Variants in MBD2 observed in about 807,000 individuals in gnomAD.
MBD2 encodes methyl-CpG binding domain protein 2, also known as methyl-CpG-binding domain protein 2.
In MBD2, 9 loss-of-function variants were observed where a neutral mutation model predicts 39.3. The observed-to-expected ratio is 0.23, with a 90% CI of 0.14 to 0.40. MBD2 has a LOEUF of 0.40. Among genes scored for constraint, MBD2 ranks in the 10% least tolerant of loss-of-function variants. The probability of loss-of-function intolerance (pLI) is 1.00; values close to 1 mark genes in which losing one functional copy is unlikely to be tolerated. For synonymous variants in MBD2, 233 were observed against 211.1 expected (o/e 1.10, Z -0.90); for missense variants, 458 against 532.6 (o/e 0.86, Z 1.38).
chr18:54,180,038 T>A (rs945905124), intron 3 of MBD2, among the ~76,000 whole-genome samples: 6 of 151,998 alleles, frequency 3.9e-5, no homozygotes. Flanking sequence ...ATAACTGAAA[T>A]CAGAGTCAAT....
intron 3 of MBD2, among the ~76,000 whole-genome samples, chr18:54,180,591 AAGAC>A (rs1337123656): frequency 6.6e-6 from 1 of 152,168 alleles, no homozygotes; most frequent in Non-Finnish European, 1.5e-5. Context: ...AAAATTAACA[AAGAC>A]AGCCTAACAA....
intron 1 of MBD2, among the ~76,000 whole-genome samples, chr18:54,207,152 A>G (rs912492809): frequency 5.9e-5 from 9 of 152,192 alleles, no homozygotes; most frequent in African/African-American, 2.2e-4. Flanking sequence ...TCTGTTATAT[A>G]ATTTTTCCCA....
intron 3 of MBD2, among the ~76,000 whole-genome samples, chr18:54,172,334 C>A (rs1326388448): frequency 6.6e-6 from 1 of 151,944 alleles, no homozygotes; most frequent in Non-Finnish European, 1.5e-5. Context: ...TCACATAGAA[C>A]ATGAAATTGT....
intron 1 of MBD2, among the ~76,000 whole-genome samples, chr18:54,212,055 A>G (rs1194681660): frequency 6.6e-6 from 1 of 152,030 alleles, no homozygotes. Context: ...ACGGGGTTTC[A>G]CTATGTTGGT....
At chr18:54,211,406 C>CAT (rs1472504663) in intron 1 of MBD2, among the ~76,000 whole-genome samples, 2 of 151,544 alleles carry the variant, frequency 1.3e-5, no homozygotes, top group African/African-American at 4.9e-5. Flanking sequence ...CACACACACA[C>CAT]ACACACACGC....
In MBD2 at chr18:54,202,748, A is replaced by G. The variant is rs985625783; in HGVS notation, c.702+2250T>C. 28 of 1,438,898 alleles carry G rather than the reference A, an allele frequency of 1.9e-5. No homozygotes were observed. In the African/African-American group the frequency reaches 3.9e-4, roughly 20 times the overall value. 89.1% of individuals were successfully genotyped at this position (1,438,898 alleles called of 1,614,324 possible). A position where few individuals can be genotyped will look rare whatever the true frequency, so the allele number is the denominator to read the frequency against. ...ACTATACACTTCTAGAATGAGGTGG[A>G]TGGTAAATCAAATAAACATAAAGCA... On this transcript the variant is annotated intron_variant, in intron 2 of 6. Transcript: ENST00000256429.
intron 6 of MBD2, among the ~76,000 whole-genome samples, chr18:54,157,410 G>A (rs1480888964): frequency 9.9e-5 from 15 of 152,040 alleles, no homozygotes; most frequent in African/African-American, 2.9e-4. Flanking sequence ...ACAGGTGCCC[G>A]CCACCATGCC....
intron 1 of MBD2, among the ~76,000 whole-genome samples, 174 bp from the exon 2 acceptor site, chr18:54,205,331 G>T (rs1295547907): frequency 1.3e-5 from 2 of 152,038 alleles, no homozygotes; most frequent in Non-Finnish European, 2.9e-5. Context: ...CAGCACTCTG[G>T]GAGGCAGAGG....
chr18:54,197,329 C>T lies in MBD2; in HGVS notation c.702+7669G>A, dbSNP rs548000633. ...ATACTATTCCTTATGCTGGCTGGCA[C>T]AGCCCTATTACCAGGCTTGCCTACT... is the stretch of plus-strand genomic sequence containing the variant. On this transcript the variant is annotated intron_variant, in intron 2 of 6. Transcript: ENST00000256429. Among the ~76,000 whole-genome samples the T allele has an allele frequency of 3.2e-4, 49 of 152,334 alleles. 2 individuals carry two copies. The South Asian group carries it at 9.7e-3, about 30-fold the overall frequency.
Position 54,188,633 on chromosome 18 carries a change from C to G in MBD2, c.840+241G>C, listed in dbSNP as rs746909192. Reference sequence around the variant, plus strand: ...ACCAAGTCTGATGTATATTACCACACGAAAAGCATAAAAATTTAGTCCATA... The same window carrying G: ...ACCAAGTCTGATGTATATTACCACAGGAAAAGCATAAAAATTTAGTCCATA... On this transcript the variant is annotated intron_variant, in intron 3 of 6. Coordinates refer to ENST00000256429, the MANE Select transcript of MBD2 (RefSeq NM_003927.5). 5.9e-5 allele frequency among the ~76,000 whole-genome samples: 9 copies of G among 151,982 alleles called. No homozygotes were observed. In the East Asian group the frequency reaches 1.7e-3, roughly 29 times the overall value.
At chr18:54,155,566 T>C (rs996279128) in intron 6 of MBD2, among the ~76,000 whole-genome samples, 1 of 152,244 alleles carries the variant, frequency 6.6e-6, no homozygotes, top group South Asian at 2.1e-4. Context: ...TATTCTTCTA[T>C]GTTTATGCAA....
intron 2 of MBD2, 67 bp from the exon 3 acceptor site, chr18:54,189,078 A>G (rs2086302029): frequency 2.9e-6 from 3 of 1,038,554 alleles, no homozygotes; most frequent in Admixed American, 4.7e-5. Flanking sequence ...CTTCCTACTA[A>G]TTCAATATCT....
intron 1 of MBD2, among the ~76,000 whole-genome samples, chr18:54,215,081 A>C (rs2086545736): frequency 6.6e-6 from 1 of 152,144 alleles, no homozygotes; most frequent in African/African-American, 2.4e-5. Context: ...TAGTTGAGGA[A>C]ACAAAAGCTT....
At chr18:54,197,195 C>G (rs1270612827) in intron 2 of MBD2, among the ~76,000 whole-genome samples, 1 of 152,224 alleles carries the variant, frequency 6.6e-6, no homozygotes, top group East Asian at 1.9e-4. Context: ...TGGACAAATA[C>G]AACAGCTTCC....
chr18:54,168,220 A>G (rs1038820684), intron 3 of MBD2, among the ~76,000 whole-genome samples: 1 of 151,884 alleles, frequency 6.6e-6, no homozygotes, highest in East Asian at 1.9e-4. Context: ...AATTCCAGAT[A>G]TTAAAAAATA....
At position 54,151,829 on chromosome 18, in the gene MBD2, C is replaced by G. The variant is rs1231227781; in HGVS notation, c.*3495G>C. The G allele has an allele frequency of 1.1e-5, 1 of 87,694 alleles. No homozygotes were observed. The highest frequency in any genetic ancestry group is 2.5e-5 in the Non-Finnish European group (1 of 39,418). 5.4% of individuals were successfully genotyped at this position (87,694 alleles called of 1,614,324 possible). On this transcript the variant is annotated 3_prime_UTR_variant, in exon 7 of 7. Coordinates refer to ENST00000256429, the MANE Select transcript of MBD2 (RefSeq NM_003927.5). ...ACACTCTCTAGATCTCCTCTTTAGA[C>G]CAAAAAAAAAAAAAAAAACACCCTG... is the stretch of plus-strand genomic sequence containing the variant.
intron 5 of MBD2, among the ~76,000 whole-genome samples, 170 bp downstream of exon 5, chr18:54,164,353 T>C (rs2086115781): frequency 6.6e-6 from 1 of 152,220 alleles, no homozygotes; most frequent in South Asian, 2.1e-4. Context: ...TTTGTTATAA[T>C]GGTCTTTTTT....
chr18:54,213,531 GA>G (rs2086528878), intron 1 of MBD2, among the ~76,000 whole-genome samples: 2 of 152,008 alleles, frequency 1.3e-5, no homozygotes, highest in South Asian at 4.1e-4. Flanking sequence ...ACTAAAATGC[GA>G]AAAAATGAAT....
intron 3 of MBD2, among the ~76,000 whole-genome samples, chr18:54,174,236 T>C (rs148385653): frequency 1.7e-3 from 252 of 152,042 alleles, no homozygotes; most frequent in African/African-American, 6.0e-3. Flanking sequence ...CCCAGGTAGG[T>C]GGGAAGTGAG....
Sources: gnomAD v4.1 joint callset for allele counts (sites outside exome capture counted in the v4.1 genomes callset) on GRCh38, gnomAD v4.1.1 for gene constraint, MANE v1.5 for transcripts, NCBI Gene and HGNC (gene_info 2026-07-23, HGNC 2026-07-21) for gene names.